The following DLGAP2 variants were observed in gnomAD, a reference collection of about 807,000 sequenced individuals.
DLGAP2 encodes the protein DLG associated protein 2.
In DLGAP2, 26 loss-of-function variants were observed where a neutral mutation model predicts 100.3. The ratio of observed to expected loss-of-function variants is 0.26; its 90% CI spans 0.19 to 0.36. The LOEUF (loss-of-function observed/expected upper bound fraction) is 0.36. Ranked by LOEUF, DLGAP2 falls within the 10% of genes least tolerant of loss-of-function variation. The pLI is 1.00. For missense variants in DLGAP2, 1,858 were observed against 1,453.2 expected (o/e 1.28, Z -4.53); for synonymous variants, 886 against 630.1 (o/e 1.41, Z -6.08).
chr8:1,327,412 C>T (rs780474958), intron 3 of DLGAP2, among the ~76,000 whole-genome samples: 1 of 152,234 alleles, frequency 6.6e-6, no homozygotes. Context: ...CCTGAGTCAT[C>T]ATTCCATCTC....
At chr8:822,852 G>C (rs1281955085) in intron 1 of DLGAP2, among the ~76,000 whole-genome samples, 1 of 152,130 alleles carries the variant, frequency 6.6e-6, no homozygotes, top group African/African-American at 2.4e-5. Flanking sequence ...TGTCCAGAGG[G>C]CCATGCCCAC....
In DLGAP2 at chr8:1,549,062, C is replaced by A; in HGVS notation, c.609C>A (p.His203Gln). ...AGTTCGAGAAGCAGCTGCCGCTGCA[C>A]CGGGACGGCTTCCACACGCTGCAGT... ...LDQFEKQLPL[H>Q]RDGFHTLQYQ... Residue 203 changes from histidine to glutamine, a missense_variant, in exon 5 of 15, where the codon CAC becomes CAA. Transcript: ENST00000637795. 1.9e-6 allele frequency: 3 copies of A among 1,590,194 alleles called. No individual in the cohort carries two copies. Among genetic ancestry groups the A allele is most frequent in the Non-Finnish European group, 2.6e-6 (3 of 1,172,404 alleles).
At chr8:1,364,459 G>A (rs892580686) in intron 3 of DLGAP2, among the ~76,000 whole-genome samples, 1 of 146,776 alleles carries the variant, frequency 6.8e-6, no homozygotes, top group East Asian at 2.2e-4. Context: ...CTGGTGAAAG[G>A]GCACCGCTGC....
intron 2 of DLGAP2, among the ~76,000 whole-genome samples, chr8:971,390 T>C (rs1800010041): frequency 6.6e-6 from 1 of 152,198 alleles, no homozygotes; most frequent in Non-Finnish European, 1.5e-5. Flanking sequence ...CTTAGATCCC[T>C]GGGTAAATTG....
At chr8:1,378,282 C>G (rs1301466168) in intron 3 of DLGAP2, among the ~76,000 whole-genome samples, 1 of 151,548 alleles carries the variant, frequency 6.6e-6, no homozygotes, top group African/African-American at 2.4e-5. Context: ...GTCTGTCCTG[C>G]ACACACCTGA....
At chr8:891,005 G>C (rs1357575245) in intron 1 of DLGAP2, among the ~76,000 whole-genome samples, 1 of 152,114 alleles carries the variant, frequency 6.6e-6, no homozygotes, top group Admixed American at 6.5e-5. Context: ...GGGTTTGCAG[G>C]GCTGTGTCCC....
At chr8:1,478,273 C>T (rs1198273436) in intron 3 of DLGAP2, among the ~76,000 whole-genome samples, 1 of 152,182 alleles carries the variant, frequency 6.6e-6, no homozygotes, top group Non-Finnish European at 1.5e-5. Context: ...GGGTGCCAGC[C>T]CTCCTTCCCT....
chr8:1,147,488 C>T (rs1796628841), intron 2 of DLGAP2, among the ~76,000 whole-genome samples: 1 of 150,856 alleles, frequency 6.6e-6, no homozygotes, highest in East Asian at 1.9e-4. Flanking sequence ...AATTGAATTT[C>T]ATTTAACGTT....
chr8:849,036 C>CCTGTTCCAGTATAGGATGTGCCGTGT (rs910378431), intron 1 of DLGAP2, among the ~76,000 whole-genome samples: 1 of 151,680 alleles, frequency 6.6e-6, no homozygotes, highest in Non-Finnish European at 1.5e-5. Flanking sequence ...ATGTGCGGTG[C>CCTGTTCCAGTATAGGATGTGCCGTGT]CTGTTCCAGT....
At chr8:1,135,234 A>G (rs1796379853) in intron 2 of DLGAP2, among the ~76,000 whole-genome samples, 1 of 152,136 alleles carries the variant, frequency 6.6e-6, no homozygotes, top group South Asian at 2.1e-4. Flanking sequence ...CTTTTTAACA[A>G]ATACATGTCA....
chr8:786,619 G>A (rs780077879), intron 1 of DLGAP2, among the ~76,000 whole-genome samples: 1 of 151,996 alleles, frequency 6.6e-6, no homozygotes. Flanking sequence ...GCGGCTCTTC[G>A]GGAGAGACGG....
intron 3 of DLGAP2, among the ~76,000 whole-genome samples, chr8:1,284,998 C>T (rs1251538877): frequency 1.3e-5 from 2 of 152,352 alleles, no homozygotes; most frequent in East Asian, 3.9e-4. Flanking sequence ...TTGGCTCCAC[C>T]TGCATCCCGA....
At chr8:954,371 C>T (rs979142469) in intron 2 of DLGAP2, among the ~76,000 whole-genome samples, 4 of 152,102 alleles carry the variant, frequency 2.6e-5, no homozygotes, top group African/African-American at 9.7e-5. Flanking sequence ...TCCCTTCAGC[C>T]CCTAGGAGAA....
intron 2 of DLGAP2, among the ~76,000 whole-genome samples, chr8:1,241,649 T>G (rs1798799440): frequency 6.6e-6 from 1 of 152,210 alleles, no homozygotes; most frequent in Non-Finnish European, 1.5e-5. Flanking sequence ...TACTCCATTT[T>G]AACCAGTGGA....
At chr8:1,006,727 C>T (rs1198608189) in intron 2 of DLGAP2, among the ~76,000 whole-genome samples, 6 of 111,302 alleles carry the variant, frequency 5.4e-5, no homozygotes, top group South Asian at 3.7e-4. Flanking sequence ...TCAGGGACAC[C>T]GTGTGTCTCA....
At chr8:966,719 T>C (rs1306427443) in intron 2 of DLGAP2, among the ~76,000 whole-genome samples, 1 of 152,224 alleles carries the variant, frequency 6.6e-6, no homozygotes, top group Non-Finnish European at 1.5e-5. Flanking sequence ...TCTGGGTTTA[T>C]TCAAACACAT....
At chr8:1,240,601 C>CTGTGT (rs1259306942) in intron 2 of DLGAP2, among the ~76,000 whole-genome samples, 46 of 148,950 alleles carry the variant, frequency 3.1e-4, no homozygotes, top group Admixed American at 4.0e-4. Flanking sequence ...TCACATGGTG[C>CTGTGT]CGTGTCTAGT....
chr8:1,417,726 G>GGGGGGCC, intron 3 of DLGAP2, among the ~76,000 whole-genome samples: 1 of 142,602 alleles, frequency 7.0e-6, no homozygotes, highest in Non-Finnish European at 1.5e-5. Flanking sequence ...CGAGGCTCCA[G>GGGGGGCC]ACACAGAAGC....
intron 2 of DLGAP2, among the ~76,000 whole-genome samples, chr8:1,254,057 C>T (rs1231049494): frequency 6.6e-6 from 1 of 152,218 alleles, no homozygotes; most frequent in African/African-American, 2.4e-5. Flanking sequence ...CCTCGTGAGG[C>T]TTCCAGTCCC....
Sources: gnomAD v4.1 joint callset for allele counts (sites outside exome capture counted in the v4.1 genomes callset) on GRCh38, gnomAD v4.1.1 for gene constraint, MANE v1.5 for transcripts, NCBI Gene and HGNC (gene_info 2026-07-23, HGNC 2026-07-21) for gene names.